Variants in TRAPPC2 observed in about 807,000 individuals in gnomAD.
TRAPPC2 encodes trafficking protein particle complex subunit 2, also known as sedlin.
A neutral mutation model predicts 10.0 loss-of-function variants in TRAPPC2; 4 were observed. That is an observed-to-expected ratio of 0.40 (90% CI 0.20 to 0.92). The LOEUF (loss-of-function observed/expected upper bound fraction) is 0.92. Among genes scored for constraint, TRAPPC2 ranks in the 40% least tolerant of loss-of-function variants. The pLI, the probability that TRAPPC2 is intolerant of heterozygous loss-of-function variation, is 0.35. For synonymous variants in TRAPPC2, 36 were observed against 37.3 expected (o/e 0.97, Z 0.12); for missense variants, 52 against 108.7 (o/e 0.48, Z 2.32).
intron 2 of TRAPPC2, among the ~76,000 whole-genome samples, chrX:13,733,263 C>T (rs1206173975): frequency 9.0e-6 from 1 of 111,635 alleles, no homozygotes; most frequent in Non-Finnish European, 1.9e-5. Context: ...ATCTCAGCTA[C>T]AGGATCATGT....
intron 2 of TRAPPC2, among the ~76,000 whole-genome samples, chrX:13,731,441 G>T (rs773852074): frequency 8.9e-6 from 1 of 112,332 alleles, no homozygotes; most frequent in African/African-American, 3.2e-5. Context: ...ACTAGAACAA[G>T]TCATACCAAA....
chrX:13,717,082 G>T (rs2046310547), intron 3 of TRAPPC2, among the ~76,000 whole-genome samples: 1 of 98,624 alleles, frequency 1.0e-5, no homozygotes, highest in Non-Finnish European at 2.0e-5. Context: ...CTGTGGAGAA[G>T]AGGTGCCATT....
rs1389693755 is a variant in TRAPPC2 at position 13,713,197 on chromosome X, C to T, written c.*1210G>A. On this transcript the variant is annotated 3_prime_UTR_variant, in exon 6 of 6. Coordinates refer to ENST00000380579, the MANE Select transcript of TRAPPC2 (RefSeq NM_001011658.4). ...GGGCACGGTGGTTCATGCCTGTAAT[C>T]CTAGCACTTTGGGAGGCTGAGGCGG... 1.8e-5 allele frequency: 2 copies of T among 110,099 alleles called. No homozygotes were observed. The highest frequency in any genetic ancestry group is 6.6e-5 in the African/African-American group (2 of 30,252). 9.1% of individuals were successfully genotyped at this position (110,099 alleles called of 1,213,427 possible).
At chrX:13,721,650 AT>A (rs1213931840) in intron 2 of TRAPPC2, 1 of 111,834 alleles carries the variant, frequency 8.9e-6, no homozygotes, top group African/African-American at 3.2e-5. Context: ...TGAATGACAC[AT>A]TTTATAAAGG....
chrX:13,721,231 G>C (rs2046400125), intron 2 of TRAPPC2: 1 of 111,860 alleles, frequency 8.9e-6, no homozygotes, highest in South Asian at 3.7e-4. Flanking sequence ...GTTAGGTTCA[G>C]GTCTAGCTCT....
intron 2 of TRAPPC2, among the ~76,000 whole-genome samples, chrX:13,724,151 A>G (rs907932525): frequency 1.8e-5 from 2 of 111,029 alleles, no homozygotes; most frequent in African/African-American, 6.5e-5. Flanking sequence ...CAGAACTCTC[A>G]CTTGTGGTGG....
chrX:13,716,669 G>A lies in TRAPPC2; in HGVS notation c.103C>T (p.Arg35Cys), dbSNP rs2046293166. 8.3e-7 allele frequency: 1 copy of A among 1,211,405 alleles called. No individual in the cohort carries two copies. Among genetic ancestry groups the A allele is most frequent in the Non-Finnish European group, 1.1e-6 (1 of 895,170 alleles). ...TGAGCTATGAACTGGTTCAGATGACGATGGTCGTCCTAGATGACAGTGTGA... is the reference window on the plus strand; with the variant it reads ...TGAGCTATGAACTGGTTCAGATGACAATGGTCGTCCTAGATGACAGTGTGA... ...AGKAESKDDHRHLNQFIAHAA... is the reference protein window; with the variant it reads ...AGKAESKDDHCHLNQFIAHAA... Residue 35 changes from arginine (R) to cysteine (C), a missense_variant, in exon 4 of 6, where the codon CGT (arginine) becomes TGT (cysteine). Physicochemically the swap from Arg to Cys is radical, Grantham distance 180. Transcript: ENST00000380579.
intron 3 of TRAPPC2, among the ~76,000 whole-genome samples, chrX:13,719,101 G>C (rs2046356232): frequency 1.8e-5 from 2 of 111,422 alleles, no homozygotes; most frequent in South Asian, 7.5e-4. Context: ...AAGTTGCAGT[G>C]AGCTGAGATC....
rs1460642142 is a variant in TRAPPC2, at chrX:13,716,059, C to A, written c.269G>T (p.Arg90Ile). Reference protein sequence around the residue: ...HMRFIMLHDIRQEDGIKNFFT... With the variant: ...HMRFIMLHDIIQEDGIKNFFT... ...GAAGTTCTTTATTCCATCTTCTTGT[C>A]TTATGTCATGAAGCATAATAAACCT... The change falls in exon 5 of 6, where the codon AGA (arginine) becomes ATA (isoleucine). Residue 90 changes from arginine to isoleucine, a missense_variant. Coordinates refer to ENST00000380579, the MANE Select transcript of TRAPPC2 (RefSeq NM_001011658.4). 2.5e-6 allele frequency: 3 copies of A among 1,192,227 alleles called. No homozygotes were observed.
chrX:13,732,347 G>A (rs1194598514), intron 2 of TRAPPC2, among the ~76,000 whole-genome samples: 2 of 111,994 alleles, frequency 1.8e-5, no homozygotes, highest in East Asian at 2.8e-4. Flanking sequence ...CCTTTTTGGG[G>A]TGGAAAGGGA....
At chrX:13,715,786 C>T in intron 5 of TRAPPC2, 2 of 918,534 alleles carry the variant, frequency 2.2e-6, no homozygotes, top group Non-Finnish European at 2.7e-6. Flanking sequence ...CCTTCACAAT[C>T]ATCTAAAGGT....
intron 2 of TRAPPC2, among the ~76,000 whole-genome samples, chrX:13,725,754 G>A (rs1482058841): frequency 8.9e-6 from 1 of 112,396 alleles, no homozygotes; most frequent in Non-Finnish European, 1.9e-5. Flanking sequence ...GACGGAGAAT[G>A]ACTTTGATGA....
chrX:13,726,906 A>G (rs1257335062), intron 2 of TRAPPC2, among the ~76,000 whole-genome samples: 1 of 112,080 alleles, frequency 8.9e-6, no homozygotes, highest in Admixed American at 9.4e-5. Flanking sequence ...AAAGGGATGG[A>G]GGAAGATCTA....
chrX:13,727,417 A>G (rs1055344009), intron 2 of TRAPPC2, among the ~76,000 whole-genome samples: 5 of 112,727 alleles, frequency 4.4e-5, no homozygotes, highest in Non-Finnish European at 7.5e-5. Flanking sequence ...CCACAGTGCA[A>G]TCAAATTAGA....
At chrX:13,733,069 T>A (rs1343104659) in intron 2 of TRAPPC2, among the ~76,000 whole-genome samples, 1 of 112,054 alleles carries the variant, frequency 8.9e-6, no homozygotes. Context: ...TTGGAGAACA[T>A]TTTATCTAAT....
At chrX:13,721,833 A>G (rs1346429897) in intron 2 of TRAPPC2, 2 of 110,192 alleles carry the variant, frequency 1.8e-5, no homozygotes, top group African/African-American at 6.6e-5. Flanking sequence ...CTTGCCCATC[A>G]TTTTGCGACC....
At chrX:13,732,490 C>T (rs776516512) in intron 2 of TRAPPC2, among the ~76,000 whole-genome samples, 11 of 112,785 alleles carry the variant, frequency 9.8e-5, no homozygotes, top group South Asian at 7.1e-4. Flanking sequence ...CAGGAACTGG[C>T]GCTGAGAAAG....
intron 2 of TRAPPC2, among the ~76,000 whole-genome samples, chrX:13,727,777 C>T (rs1014988654): frequency 9.9e-5 from 11 of 111,675 alleles, no homozygotes; most frequent in Admixed American, 7.6e-4. Flanking sequence ...GATAAACACA[C>T]GAAAAACCCT....
chrX:13,714,517 G>A lies in TRAPPC2; in HGVS notation c.325-12C>T, dbSNP rs779809564. On this transcript the variant is annotated splice_polypyrimidine_tract_variant and intron_variant, in intron 5 of 5. Coordinates refer to ENST00000380579, the MANE Select transcript of TRAPPC2 (RefSeq NM_001011658.4). ...GGATTCATTGAAAACTAGGAAAGAA[G>A]AAAGTATTAGTGAAGCAAAAAAGCT... is the stretch of plus-strand genomic sequence containing the variant. The A allele has an allele frequency of 8.2e-6, 8 of 970,295 alleles. No individual in the cohort carries two copies. In the African/African-American group the frequency reaches 1.3e-4, roughly 16 times the overall value. The allele number at this position is 970,295 out of a possible 1,213,427, so 80.0% of individuals were successfully genotyped here.
Sources: allele counts gnomAD v4.1 joint callset (sites outside exome capture counted in the v4.1 genomes callset), GRCh38; gene constraint gnomAD v4.1.1; transcripts MANE v1.5; gene names NCBI Gene and HGNC (gene_info 2026-07-23, HGNC 2026-07-21).